CASC3: variants seen among roughly 807,000 people sequenced by gnomAD.
CASC3 encodes CASC3 exon junction complex subunit, also known as protein CASC3.
In CASC3, 30 loss-of-function variants were observed where a neutral mutation model predicts 80.5. That is an observed-to-expected ratio of 0.37 (90% CI 0.28 to 0.51). The LOEUF is 0.51. Ranked by LOEUF, CASC3 falls within the 20% of genes least tolerant of loss-of-function variation. The pLI, the probability that CASC3 is intolerant of heterozygous loss-of-function variation, is 0.94. For missense variants in CASC3, 824 were observed against 922.2 expected, an observed-to-expected ratio of 0.89 and a Z score of 1.38; for synonymous variants, 312 against 333.6, an observed-to-expected ratio of 0.94 and a Z score of 0.70.
At chr17:40,146,462 CAG>C (rs1988864364) in intron 3 of CASC3, among the ~76,000 whole-genome samples, 1 of 142,234 alleles carries the variant, frequency 7.0e-6, no homozygotes, top group South Asian at 2.3e-4. Flanking sequence ...TTTTTTAAGA[CAG>C]AGTCTCACTC....
chr17:40,167,087 G>A (rs1210260593), intron 8 of CASC3: 7 of 529,420 alleles, frequency 1.3e-5, no homozygotes, highest in African/African-American at 9.9e-5. Context: ...TCAGCCTCCC[G>A]AGTAGCTGGC....
intron 13 of CASC3, among the ~76,000 whole-genome samples, chr17:40,169,981 C>G (rs1024359268): frequency 6.6e-6 from 1 of 151,968 alleles, no homozygotes; most frequent in Non-Finnish European, 1.5e-5. Flanking sequence ...GTCTTGAACT[C>G]CTGACCTCAG....
chr17:40,157,005 T>C (rs1368656420), intron 3 of CASC3, among the ~76,000 whole-genome samples: 2 of 151,746 alleles, frequency 1.3e-5, no homozygotes, highest in East Asian at 3.9e-4. Flanking sequence ...ATCACACCAC[T>C]ACACTCTACC....
chr17:40,160,216 A>T (rs1487682899), intron 3 of CASC3, among the ~76,000 whole-genome samples: 1 of 152,192 alleles, frequency 6.6e-6, no homozygotes, highest in Non-Finnish European at 1.5e-5. Flanking sequence ...TTCATGGGCC[A>T]GGTACAGTGT....
intron 3 of CASC3, among the ~76,000 whole-genome samples, chr17:40,155,675 T>A (rs923375754): frequency 1.3e-5 from 2 of 152,192 alleles, no homozygotes; most frequent in African/African-American, 4.8e-5. Flanking sequence ...CATCTCTTAG[T>A]CTGAAATATG....
Position 40,162,026 on chromosome 17 carries a change from A to C in CASC3, c.481A>C (p.Lys161Gln). The C allele has an allele frequency of 6.2e-7, 1 of 1,614,096 alleles. No homozygotes were observed. The highest frequency in any genetic ancestry group is 8.5e-7 in the Non-Finnish European group (1 of 1,180,002). The change falls in exon 5 of 14, where the codon AAA becomes CAA. Residue 161 changes from lysine (K) to glutamine (Q), a missense_variant. Lys to Gln is a moderately conservative substitution (Grantham distance 53, BLOSUM62 1). Transcript: ENST00000264645. ...GQESTEPVEN[K>Q]VGKKGPKHLD... Reference sequence around the variant, plus strand: ...GGAGAGCACAGAGCCTGTGGAGAACAAAGTGGGTAAAAAGGGCCCTAAGCA... The same window carrying C: ...GGAGAGCACAGAGCCTGTGGAGAACCAAGTGGGTAAAAAGGGCCCTAAGCA...
In CASC3 at chr17:40,169,628, T is replaced by C; in HGVS notation, c.*7T>C. On this transcript the variant is annotated 3_prime_UTR_variant, in exon 13 of 14. Transcript: ENST00000264645. ...AAGCAGGGGTTCCAGTTAATACAAG[T>C]TTCTGAATATTTTAAATCTTAACAT... The C allele has an allele frequency of 6.3e-7, 1 of 1,587,614 alleles. No homozygotes were observed. Among genetic ancestry groups the C allele is most frequent in the Non-Finnish European group, 8.6e-7 (1 of 1,169,066 alleles).
intron 3 of CASC3, 95 bp from the exon 4 acceptor site, chr17:40,161,658 G>A (rs1989303269): frequency 9.3e-7 from 1 of 1,074,376 alleles, no homozygotes; most frequent in Non-Finnish European, 1.4e-6. Flanking sequence ...CAGCCTGGGT[G>A]ACAGAGACTT....
chr17:40,165,886 C>G (rs555356346), intron 7 of CASC3, among the ~76,000 whole-genome samples: 1 of 151,778 alleles, frequency 6.6e-6, no homozygotes, highest in African/African-American at 2.4e-5. Flanking sequence ...CCATCTCAGC[C>G]TCCTCAGTAG....
chr17:40,170,173 G>A (rs530074787), intron 13 of CASC3, among the ~76,000 whole-genome samples: 29 of 152,138 alleles, frequency 1.9e-4, no homozygotes, highest in Admixed American at 1.6e-3. Flanking sequence ...AAGTAGAAAC[G>A]ATTGTTAACA....
intron 3 of CASC3, among the ~76,000 whole-genome samples, chr17:40,161,129 AC>A (rs1477206206): frequency 1.4e-5 from 2 of 147,290 alleles, no homozygotes; most frequent in East Asian, 3.9e-4. Context: ...ACAGGTGCCT[AC>A]CACCAAGTGC....
chr17:40,171,253 G>C lies in CASC3; in HGVS notation c.*848G>C. ...TACTGTGGGGAGAGATGGCACACCAGATGCTTTTGTGAGAAAGGGATGGTG... is the reference window on the plus strand; with the variant it reads ...TACTGTGGGGAGAGATGGCACACCACATGCTTTTGTGAGAAAGGGATGGTG... On this transcript the variant is annotated 3_prime_UTR_variant, in exon 14 of 14. Coordinates refer to ENST00000264645, the MANE Select transcript of CASC3 (RefSeq NM_007359.5). The C allele has an allele frequency of 1.0e-6, 1 of 986,062 alleles. No individual in the cohort carries two copies. The highest frequency in any genetic ancestry group is 1.2e-6 in the Non-Finnish European group (1 of 829,992). The allele number at this position is 986,062 out of a possible 1,614,324, so 61.1% of individuals were successfully genotyped here.
chr17:40,162,067 A>G lies in CASC3; in HGVS notation c.522A>G (p.Glu174=). 1.2e-6 allele frequency: 2 copies of G among 1,614,122 alleles called. No homozygotes were observed. Among genetic ancestry groups the G allele is most frequent in the Non-Finnish European group, 1.7e-6 (2 of 1,180,014 alleles). ...KKGPKHLDDD[E]DRKNPAYIPR... ...GCCCTAAGCATTTGGATGATGATGA[A>G]GATCGGAAGAATCCAGCATACATAC... Residue 174 remains glutamate (E), a synonymous_variant, in exon 5 of 14, where the codon GAA becomes GAG. Transcript: ENST00000264645.
Position 40,140,682 on chromosome 17 carries a change from G to C in CASC3, c.134G>C (p.Ser45Thr). 1 of 1,597,158 alleles carries C rather than the reference G, an allele frequency of 6.3e-7. No homozygotes were observed. Among genetic ancestry groups the C allele is most frequent in the African/African-American group, 1.3e-5 (1 of 74,674 alleles). Residue 45 changes from serine (S) to threonine (T), a missense_variant, in exon 1 of 14, where the codon AGC becomes ACC. Coordinates refer to ENST00000264645, the MANE Select transcript of CASC3 (RefSeq NM_007359.5). The part of the protein sequence containing the change: ...SCSGSAGGGG[S>T]GSLPSQRGGR... Reference sequence around the variant, plus strand: ...AGCGGTAGCGCCGGAGGCGGCGGCAGCGGCTCTCTGCCTTCACAGCGCGGA... The same window carrying C: ...AGCGGTAGCGCCGGAGGCGGCGGCACCGGCTCTCTGCCTTCACAGCGCGGA...
chr17:40,169,262 T>C, intron 11 of CASC3, 62 bp from the exon 12 acceptor site: 6 of 1,419,520 alleles, frequency 4.2e-6, no homozygotes, highest in Non-Finnish European at 5.6e-6. Flanking sequence ...ATATTTCCTG[T>C]TCATCATAGG....
At chr17:40,155,973 T>A (rs1466201233) in intron 3 of CASC3, among the ~76,000 whole-genome samples, 2 of 152,230 alleles carry the variant, frequency 1.3e-5, no homozygotes, top group Non-Finnish European at 2.9e-5. Context: ...AGTTTTTCAC[T>A]TAAAATAAAG....
chr17:40,161,790 A>C lies in CASC3; in HGVS notation c.335A>C (p.Lys112Thr). ...EGEYSEEENS[K>T]VELKSEANDA... ...GAATACAGTGAAGAGGAAAACTCCA[A>C]AGTGGAGCTGAAATCAGAAGCTAAT... The change falls in exon 4 of 14, where the codon AAA becomes ACA. Residue 112 changes from lysine to threonine, a missense_variant. By Grantham distance (78) the Lys-to-Thr change is moderately conservative (BLOSUM62 -1). This residue lies in a region of CASC3 where 201 missense variants were observed against 294.1 expected (regional missense o/e 0.68). Transcript: ENST00000264645. 6.2e-7 allele frequency: 1 copy of C among 1,614,178 alleles called. No individual in the cohort carries two copies. Among genetic ancestry groups the C allele is most frequent in the Non-Finnish European group, 8.5e-7 (1 of 1,180,034 alleles).
rs781070268 is a variant in CASC3, at chr17:40,166,836, C to T, written c.1511C>T (p.Pro504Leu). 61 of 1,606,584 alleles carry T rather than the reference C, an allele frequency of 3.8e-5. No individual in the cohort carries two copies. The highest frequency in any genetic ancestry group is 1.6e-4 in the Middle Eastern group (1 of 6,066). ...ATACACATGGGAGCAGGACCTCCAC[C>T]TCAGTTTAACCGGATGGAAGAAATG... ...NHIHMGAGPP[P>L]QFNRMEEMGV... The change falls in exon 8 of 14, where the codon CCT (proline) becomes CTT (leucine). Residue 504 changes from proline to leucine, a missense_variant. By Grantham distance (98) the Pro-to-Leu change is moderately conservative (BLOSUM62 -3). This residue lies in a region of CASC3 where 464 missense variants were observed against 506.0 expected (regional missense o/e 0.92). Coordinates refer to ENST00000264645, the MANE Select transcript of CASC3 (RefSeq NM_007359.5).
intron 3 of CASC3, among the ~76,000 whole-genome samples, chr17:40,150,249 T>TA (rs2145159625): frequency 6.6e-6 from 1 of 152,074 alleles, no homozygotes; most frequent in Admixed American, 6.6e-5. Flanking sequence ...GATGTGTGCT[T>TA]ATGTCCCAGC....
Sources: allele counts gnomAD v4.1 joint callset (sites outside exome capture counted in the v4.1 genomes callset), GRCh38; gene constraint gnomAD v4.1.1; regional missense constraint gnomAD v4.1.1; transcripts MANE v1.5; gene names NCBI Gene and HGNC (gene_info 2026-07-23, HGNC 2026-07-21).